Variants in TBXAS1 observed in about 807,000 individuals in gnomAD.
TBXAS1 encodes thromboxane-A synthase.
In TBXAS1, 48 loss-of-function variants were observed where a neutral mutation model predicts 60.7. The observed-to-expected ratio is 0.79, with a 90% confidence interval of 0.63 to 1.01. The LOEUF (loss-of-function observed/expected upper bound fraction) is 1.01. TBXAS1 is among the 50% of genes least tolerant of loss of function. The pLI is 0.00. For missense variants in TBXAS1, 685 were observed against 686.3 expected, an observed-to-expected ratio of 1.00 and a Z score of 0.02; for synonymous variants, 287 against 269.7, an observed-to-expected ratio of 1.06 and a Z score of -0.63.
chr7:139,959,517 C>T (rs566093892), intron 8 of TBXAS1, among the ~76,000 whole-genome samples: 2 of 152,240 alleles, frequency 1.3e-5, no homozygotes, highest in African/African-American at 4.8e-5. Context: ...AAAAGAAACC[C>T]ATCTATACTA....
At chr7:139,887,002 C>A (rs1342010152) in intron 3 of TBXAS1, among the ~76,000 whole-genome samples, 1 of 152,168 alleles carries the variant, frequency 6.6e-6, no homozygotes, top group African/African-American at 2.4e-5. Context: ...GGACACTTAG[C>A]ATCCTGAGTT....
rs1798557673 is a variant in TBXAS1 at position 139,829,363 on chromosome 7, A to ACCAC, written c.-26_-23dup. 1 of 1,606,928 alleles carries ACCAC rather than the reference A, an allele frequency of 6.2e-7. No homozygotes were observed. The highest frequency in any genetic ancestry group is 1.3e-5 in the African/African-American group (1 of 74,830). ...ATCAGCCTCCTGTCTCATCTGGAAG[A>ACCAC]CCACCACTCTGGGGTCTCAGAGGAA... On this transcript the variant is annotated 5_prime_UTR_variant, in exon 1 of 13. Transcript: ENST00000448866.
chr7:139,949,441 T>A lies in TBXAS1; in HGVS notation c.451-3927T>A, dbSNP rs1809025466. 3.9e-5 allele frequency among the ~76,000 whole-genome samples: 6 copies of A among 152,248 alleles called. No homozygotes were observed. The South Asian group carries it at 1.2e-3, about 32-fold the overall frequency. On this transcript the variant is annotated intron_variant, in intron 5 of 12. Transcript: ENST00000448866. ...TAGGATTCAGTTGTACCACTAAACT[T>A]ATTAAGATAATCGAAGGAAGATAGC...
intron 1 of TBXAS1, among the ~76,000 whole-genome samples, chr7:139,846,855 G>A (rs1424618407): frequency 6.6e-6 from 1 of 152,154 alleles, no homozygotes; most frequent in Non-Finnish European, 1.5e-5. Context: ...TGGGGACAGA[G>A]CCATAGTGCG....
In TBXAS1 at chr7:139,936,195, C is replaced by T. The variant is rs545470216; in HGVS notation, c.338C>T (p.Ser113Leu). The change falls in exon 5 of 13, where the codon TCG becomes TTG. Residue 113 changes from serine (S) to leucine (L), a missense_variant. Physicochemically the swap from Ser to Leu is moderately radical, Grantham distance 145. Coordinates refer to ENST00000448866, the MANE Select transcript of TBXAS1 (RefSeq NM_001061.7). ...NFSNFTNRMA[S>L]GLEFKSVADS... Reference sequence around the variant, plus strand: ...CTGCTTGTTACTTCCCAACAGGCGTCGGGTTTGGAGTTCAAGTCGGTAGCC... The same window carrying T: ...CTGCTTGTTACTTCCCAACAGGCGTTGGGTTTGGAGTTCAAGTCGGTAGCC... 1.1e-5 allele frequency: 17 copies of T among 1,614,164 alleles called. No individual in the cohort carries two copies. The East Asian group carries it at 2.9e-4, about 27-fold the overall frequency.
intron 8 of TBXAS1, among the ~76,000 whole-genome samples, chr7:139,958,594 A>G (rs1282395776): frequency 2.6e-5 from 4 of 152,248 alleles, no homozygotes; most frequent in Non-Finnish European, 1.5e-5. Flanking sequence ...TGGATGGCTC[A>G]GAGGAATTGG....
chr7:139,923,789 A>G (rs1584865402), intron 4 of TBXAS1, among the ~76,000 whole-genome samples: 1 of 151,598 alleles, frequency 6.6e-6, no homozygotes, highest in African/African-American at 2.4e-5. Context: ...CTCCCTCGAC[A>G]CTCTTTCACT....
chr7:139,947,826 G>C (rs982579043), intron 5 of TBXAS1, among the ~76,000 whole-genome samples: 1 of 151,854 alleles, frequency 6.6e-6, no homozygotes, highest in African/African-American at 2.4e-5. Context: ...AGCTTGGGCT[G>C]TCATAACCAA....
At chr7:139,816,213 A>G (rs1172477870) in intron 4 of TBXAS1, among the ~76,000 whole-genome samples, 1 of 152,212 alleles carries the variant, frequency 6.6e-6, no homozygotes, top group Non-Finnish European at 1.5e-5. Flanking sequence ...AGCCATGCAG[A>G]ACTGTGAATT....
At chr7:139,810,959 T>C (rs889385655) in intron 4 of TBXAS1, among the ~76,000 whole-genome samples, 2 of 152,210 alleles carry the variant, frequency 1.3e-5, no homozygotes, top group Non-Finnish European at 2.9e-5. Context: ...TTGTAGGAAT[T>C]ATATGTTTCT....
chr7:139,858,727 G>A (rs1033427181), intron 1 of TBXAS1, among the ~76,000 whole-genome samples: 2 of 152,162 alleles, frequency 1.3e-5, no homozygotes, highest in African/African-American at 4.8e-5. Context: ...TTTTGATTAT[G>A]TCTTCCTCGG....
chr7:140,011,299 AAC>A (rs1385699149), intron 10 of TBXAS1, among the ~76,000 whole-genome samples: 2,932 of 142,806 alleles, frequency 0.021, 99 homozygotes, highest in African/African-American at 0.076. Context: ...CAAACAAACA[AAC>A]AAAAAAAACA....
chr7:139,912,814 C>G, intron 4 of TBXAS1, among the ~76,000 whole-genome samples: 1 of 152,154 alleles, frequency 6.6e-6, no homozygotes, highest in South Asian at 2.1e-4. Context: ...ATCGCAAGAG[C>G]TTATGAGATG....
intron 10 of TBXAS1, among the ~76,000 whole-genome samples, chr7:140,015,079 GAAAA>G (rs869290076): frequency 2.2e-4 from 30 of 138,432 alleles, no homozygotes; most frequent in Admixed American, 7.0e-4. Context: ...AATTAAAACA[GAAAA>G]ACAAACAAAC....
intron 3 of TBXAS1, among the ~76,000 whole-genome samples, chr7:139,905,025 TTC>T (rs1438982208): frequency 1.2e-5 from 1 of 80,164 alleles, no homozygotes; most frequent in African/African-American, 7.1e-5. Context: ...CTTTCTTTCT[TTC>T]TTTCTTTCTT....
chr7:139,858,817 G>A (rs1047877000), intron 1 of TBXAS1, among the ~76,000 whole-genome samples: 18 of 152,006 alleles, frequency 1.2e-4, no homozygotes, highest in African/African-American at 3.9e-4. Context: ...GAAGGTACAC[G>A]GACTTTAAAA....
chr7:139,798,081 TA>T (rs1569491319), intron 4 of TBXAS1, among the ~76,000 whole-genome samples: 3 of 152,162 alleles, frequency 2.0e-5, no homozygotes, highest in South Asian at 2.1e-4. Flanking sequence ...TTTTTATTTT[TA>T]TTTTTTTTAA....
intron 8 of TBXAS1, among the ~76,000 whole-genome samples, chr7:139,958,403 G>A (rs994348081): frequency 2.0e-5 from 3 of 152,194 alleles, no homozygotes; most frequent in Admixed American, 1.3e-4. Flanking sequence ...AAAATAGAAA[G>A]AGGAGTTTTC....
At chr7:139,901,014 T>G (rs1348663776) in intron 3 of TBXAS1, among the ~76,000 whole-genome samples, 1 of 152,126 alleles carries the variant, frequency 6.6e-6, no homozygotes. Context: ...GAGAGCTCCT[T>G]CAGAACTGCA....
Sources: allele counts gnomAD v4.1 joint callset (sites outside exome capture counted in the v4.1 genomes callset), GRCh38; gene constraint gnomAD v4.1.1; transcripts MANE v1.5; gene names NCBI Gene and HGNC (gene_info 2026-07-23, HGNC 2026-07-21).